COL15A1: variants seen among roughly 807,000 people sequenced by gnomAD.
The protein encoded by COL15A1 is collagen type XV alpha 1 chain.
A neutral mutation model predicts 165.9 loss-of-function variants in COL15A1; 111 were observed. That is an observed-to-expected ratio of 0.67 (90% CI 0.57 to 0.78). The LOEUF (loss-of-function observed/expected upper bound fraction) is 0.78. Among genes scored for constraint, COL15A1 ranks in the 30% least tolerant of loss-of-function variants. The pLI, the probability that COL15A1 is intolerant of heterozygous loss-of-function variation, is 0.00. For synonymous variants in COL15A1, 659 were observed against 674.8 expected (o/e 0.98, Z 0.36); for missense variants, 1,745 against 1,789.7 (o/e 0.98, Z 0.45).
rs114923447 is a variant in COL15A1 at position 99,053,596 on chromosome 9, T to G, written c.2951-980T>G. Among the ~76,000 whole-genome samples the G allele has an allele frequency of 2.8e-3, 430 of 152,352 alleles. 1 individual carries two copies. Among genetic ancestry groups the G allele is most frequent in the African/African-American group, 9.8e-3 (407 of 41,576 alleles). On this transcript the variant is annotated intron_variant, in intron 31 of 41. Transcript: ENST00000375001. ...TGCTGGTGCACTTGCTGTCTTCTCT[T>G]CTGATCACTGCTGTCTGTGGGCTCA... is the stretch of plus-strand genomic sequence containing the variant.
chr9:99,042,728 C>A (rs1839429691), intron 24 of COL15A1, among the ~76,000 whole-genome samples: 1 of 152,224 alleles, frequency 6.6e-6, no homozygotes. Flanking sequence ...GGTCCAAAGT[C>A]TCTGGAATAA....
At chr9:99,001,311 G>A (rs968665326) in intron 7 of COL15A1, among the ~76,000 whole-genome samples, 7 of 152,212 alleles carry the variant, frequency 4.6e-5, no homozygotes, top group African/African-American at 1.4e-4. Context: ...AACTGCAGGT[G>A]TGTTCATGCT....
chr9:99,047,645 G>C, intron 26 of COL15A1, 141 bp from the exon 27 acceptor site: 1 of 823,616 alleles, frequency 1.2e-6, no homozygotes, highest in Non-Finnish European at 2.1e-6. Context: ...GCAGGCAGGG[G>C]CTTCTACCTG....
intron 2 of COL15A1, among the ~76,000 whole-genome samples, chr9:98,958,662 G>T (rs761467869): frequency 2.6e-5 from 4 of 152,088 alleles, no homozygotes; most frequent in Non-Finnish European, 5.9e-5. Context: ...ATTAAGGAAT[G>T]AAGTGGCTTT....
intron 40 of COL15A1, 103 bp from the exon 41 acceptor site, chr9:99,068,450 CAA>C (rs1261734756): frequency 4.8e-6 from 2 of 415,236 alleles, no homozygotes; most frequent in African/African-American, 8.6e-5. Flanking sequence ...GGCTGGATGA[CAA>C]AAGCGAAACT....
At chr9:99,051,128 A>G (rs1237848344) in intron 30 of COL15A1, among the ~76,000 whole-genome samples, 3 of 152,218 alleles carry the variant, frequency 2.0e-5, no homozygotes, top group East Asian at 1.9e-4. Context: ...AGCCCAGAGA[A>G]GCAAAAGGCT....
At chr9:98,945,868 T>C (rs6478963) in intron 2 of COL15A1, among the ~76,000 whole-genome samples, 51,280 of 152,110 alleles carry the variant, frequency 0.34, 8,881 homozygotes, top group East Asian at 0.56. Context: ...ATAGGAACTT[T>C]GGTGTTTCTT....
In COL15A1 at chr9:99,063,114, G is replaced by GT; in HGVS notation, c.3651+6dup. ...GCCAATTATGAGAAGCCTGCTGTAA[G>GT]TACAATTTATACATTTAATCTTCAA... On this transcript the variant is annotated splice_donor_region_variant and intron_variant, in intron 39 of 41. Coordinates refer to ENST00000375001, the MANE Select transcript of COL15A1 (RefSeq NM_001855.5). The GT allele has an allele frequency of 6.3e-7, 1 of 1,582,888 alleles. No homozygotes were observed. Among genetic ancestry groups the GT allele is most frequent in the Non-Finnish European group, 8.5e-7 (1 of 1,170,230 alleles).
chr9:99,041,349 T>A (rs1162433314), intron 23 of COL15A1: 1 of 152,236 alleles, frequency 6.6e-6, no homozygotes. Context: ...TTGTGAAAAG[T>A]TAAAATAGCA....
In COL15A1 at chr9:98,991,259, A is replaced by ACC. The variant is rs55896868; in HGVS notation, c.804+2009_804+2010dup. Reference sequence around the variant, plus strand: ...CAGCCTGCTTTTGTTCCCTTATCTGACCCCCCCCCACATCCTGCTGATTGG... The same window carrying ACC: ...CAGCCTGCTTTTGTTCCCTTATCTGACCCCCCCCCCCACATCCTGCTGATTGG... On this transcript the variant is annotated intron_variant, in intron 5 of 41. Transcript: ENST00000375001. Among the ~76,000 whole-genome samples, 5 of 151,266 alleles carry ACC rather than the reference A, an allele frequency of 3.3e-5. No homozygotes were observed. In the East Asian group the frequency reaches 5.8e-4, roughly 18 times the overall value.
chr9:98,975,167 C>T (rs1222649603), intron 2 of COL15A1, among the ~76,000 whole-genome samples: 1 of 152,268 alleles, frequency 6.6e-6, no homozygotes, highest in African/African-American at 2.4e-5. Flanking sequence ...CCGCAGCGCT[C>T]CTTCACCTGG....
At chr9:99,035,321 T>G in intron 18 of COL15A1, 29 bp from the exon 19 acceptor site, 1 of 1,614,108 alleles carries the variant, frequency 6.2e-7, no homozygotes, top group East Asian at 2.2e-5. Flanking sequence ...GAACTGGATC[T>G]GAAATTCTCA....
chr9:98,993,610 C>A (rs1039615876), intron 5 of COL15A1, among the ~76,000 whole-genome samples: 18 of 152,180 alleles, frequency 1.2e-4, no homozygotes, highest in African/African-American at 4.3e-4. Context: ...TAGGAGGGCA[C>A]TGAGGCCATG....
chr9:99,051,724 G>A (rs557203633), intron 30 of COL15A1, among the ~76,000 whole-genome samples: 6 of 152,238 alleles, frequency 3.9e-5, no homozygotes, highest in East Asian at 1.9e-4. Context: ...GGCACCATAC[G>A]GATGACTTTG....
rs75149327 is a variant in COL15A1, at chr9:98,990,147, G to C, written c.804+889G>C. On this transcript the variant is annotated intron_variant, in intron 5 of 41. Coordinates refer to ENST00000375001, the MANE Select transcript of COL15A1 (RefSeq NM_001855.5). ...ATGCAGCAGAATAGAACTAGACTCT[G>C]TTAGCACTGGAAGGACCCAAAGTCC... 8.7e-4 allele frequency among the ~76,000 whole-genome samples: 133 copies of C among 152,334 alleles called. 5 individuals are homozygous for C. The East Asian group carries it at 0.024, about 28-fold the overall frequency.
intron 2 of COL15A1, among the ~76,000 whole-genome samples, chr9:98,953,014 G>A (rs1291380701): frequency 6.6e-6 from 1 of 152,154 alleles, no homozygotes; most frequent in East Asian, 1.9e-4. Flanking sequence ...TTTAGTATAG[G>A]TTGGCTTATT....
chr9:98,995,639 C>T (rs1838529944), intron 5 of COL15A1, among the ~76,000 whole-genome samples: 1 of 152,200 alleles, frequency 6.6e-6, no homozygotes, highest in South Asian at 2.1e-4. Context: ...TGAAACCCTG[C>T]TCATTCTCCA....
intron 2 of COL15A1, among the ~76,000 whole-genome samples, chr9:98,958,943 C>G (rs1354317369): frequency 1.3e-5 from 2 of 152,104 alleles, no homozygotes; most frequent in Admixed American, 6.5e-5. Flanking sequence ...CGCCCCATTT[C>G]TAAGAGTGGT....
chr9:99,046,534 A>G (rs1225325889), intron 26 of COL15A1, among the ~76,000 whole-genome samples: 3 of 152,254 alleles, frequency 2.0e-5, no homozygotes, highest in African/African-American at 7.2e-5. Context: ...CTAGTTCCGC[A>G]TGGCTAGGAG....
Sources: gnomAD v4.1 joint callset for allele counts (sites outside exome capture counted in the v4.1 genomes callset) on GRCh38, gnomAD v4.1.1 for gene constraint, MANE v1.5 for transcripts, NCBI Gene and HGNC (gene_info 2026-07-23, HGNC 2026-07-21) for gene names.